PTPRQ: variants seen among roughly 807,000 people sequenced by gnomAD.
The protein encoded by PTPRQ is protein tyrosine phosphatase receptor type Q.
A neutral mutation model predicts 246.0 loss-of-function variants in PTPRQ; 199 were observed. The ratio of observed to expected loss-of-function variants is 0.81; its 90% CI spans 0.72 to 0.91. The LOEUF is 0.91. PTPRQ is among the 40% of genes least tolerant of loss of function. The probability of loss-of-function intolerance (pLI) is 0.00; values close to 1 mark genes in which losing one functional copy is unlikely to be tolerated. For synonymous variants in PTPRQ, 869 were observed against 853.2 expected, an observed-to-expected ratio of 1.02 and a Z score of -0.32; for missense variants, 2,624 against 2,528.4, an observed-to-expected ratio of 1.04 and a Z score of -0.81.
At chr12:80,554,096 G>A (rs1169527467) in intron 25 of PTPRQ, among the ~76,000 whole-genome samples, 2 of 151,936 alleles carry the variant, frequency 1.3e-5, no homozygotes, top group African/African-American at 2.4e-5. Flanking sequence ...TAGGAAAAGC[G>A]GGGATGGTTA....
chr12:80,634,632 AC>A (rs1899570407), intron 34 of PTPRQ: 1 of 240,876 alleles, frequency 4.2e-6, no homozygotes, highest in Non-Finnish European at 8.0e-6. Flanking sequence ...GAGAAGAGAA[AC>A]AAGATCACAA....
intron 35 of PTPRQ, among the ~76,000 whole-genome samples, chr12:80,645,013 T>G (rs1900018561): frequency 1.3e-5 from 2 of 152,088 alleles, no homozygotes; most frequent in African/African-American, 4.8e-5. Flanking sequence ...AAGTACAGAC[T>G]AGAAAATTAC....
At chr12:80,582,588 G>A (rs1162831381) in intron 25 of PTPRQ, among the ~76,000 whole-genome samples, 2 of 152,158 alleles carry the variant, frequency 1.3e-5, no homozygotes, top group African/African-American at 2.4e-5. Context: ...TCTGGAACCA[G>A]GAGGCTGGTT....
chr12:80,478,624 G>T (rs937542455), intron 8 of PTPRQ, among the ~76,000 whole-genome samples: 107 of 152,190 alleles, frequency 7.0e-4, no homozygotes, highest in African/African-American at 2.0e-3. Context: ...GTTGAAAACT[G>T]TGAAAAAAAT....
chr12:80,622,815 G>T (rs1899045742), intron 33 of PTPRQ, among the ~76,000 whole-genome samples: 1 of 151,844 alleles, frequency 6.6e-6, no homozygotes. Context: ...TCATCCTTGA[G>T]GGGTTGTTGA....
intron 3 of PTPRQ, among the ~76,000 whole-genome samples, chr12:80,448,123 C>T (rs1892609810): frequency 6.6e-6 from 1 of 151,862 alleles, no homozygotes; most frequent in African/African-American, 2.4e-5. Context: ...AAAATGTATT[C>T]CTAGATATTT....
intron 26 of PTPRQ, among the ~76,000 whole-genome samples, chr12:80,592,315 G>C (rs185316274): frequency 1.0e-3 from 153 of 152,248 alleles, no homozygotes; most frequent in African/African-American, 3.1e-3. Flanking sequence ...TCGTCTTTTA[G>C]TTTCAAGAAT....
intron 16 of PTPRQ, among the ~76,000 whole-genome samples, chr12:80,507,137 G>A (rs966715247): frequency 6.6e-6 from 1 of 151,792 alleles, no homozygotes; most frequent in African/African-American, 2.4e-5. Context: ...TGCATAATTG[G>A]ACAAGATGCT....
intron 39 of PTPRQ, among the ~76,000 whole-genome samples, chr12:80,658,618 G>C (rs1461884876): frequency 6.6e-6 from 1 of 152,026 alleles, no homozygotes; most frequent in Non-Finnish European, 1.5e-5. Flanking sequence ...ATTCCTGTCA[G>C]CCTCTTTTGG....
chr12:80,444,694 C>A, intron 1 of PTPRQ, 47 bp from the exon 2 acceptor site: 1 of 1,403,648 alleles, frequency 7.1e-7, no homozygotes, highest in Non-Finnish European at 9.8e-7. Flanking sequence ...AGCTTGCTTG[C>A]TTTCCAGAAA....
intron 26 of PTPRQ, among the ~76,000 whole-genome samples, chr12:80,594,062 G>GTTTT (rs1217592316): frequency 9.2e-5 from 14 of 152,170 alleles, no homozygotes; most frequent in Middle Eastern, 3.4e-3. Context: ...CATCAAAGAA[G>GTTTT]TTTCTAAGGA....
intron 25 of PTPRQ, among the ~76,000 whole-genome samples, chr12:80,554,085 G>T (rs560000940): frequency 2.0e-5 from 3 of 151,652 alleles, no homozygotes; most frequent in African/African-American, 4.8e-5. Flanking sequence ...GGCAGGGGGG[G>T]TAGGAAAAGC....
intron 9 of PTPRQ, among the ~76,000 whole-genome samples, chr12:80,492,021 C>T (rs984937709): frequency 1.3e-5 from 2 of 151,682 alleles, no homozygotes; most frequent in Admixed American, 1.3e-4. Context: ...TGAAGCAGAA[C>T]TTGAAAAAAA....
Position 80,495,113 on chromosome 12 carries a change from T to A in PTPRQ, c.1702+19T>A. The A allele has an allele frequency of 3.2e-6, 5 of 1,550,300 alleles. No homozygotes were observed. Among genetic ancestry groups the A allele is most frequent in the Non-Finnish European group, 4.4e-6 (5 of 1,146,094 alleles). ...CAGCAAGGTAAGGATGTATTTCCTTTGAAACAATTAACTGCAAATATTGCT... is the reference window on the plus strand; with the variant it reads ...CAGCAAGGTAAGGATGTATTTCCTTAGAAACAATTAACTGCAAATATTGCT... On this transcript the variant is annotated intron_variant, in intron 11 of 44. Transcript: ENST00000644991.
chr12:80,589,418 CTGAG>C (rs2121022473), intron 26 of PTPRQ, among the ~76,000 whole-genome samples: 1 of 152,236 alleles, frequency 6.6e-6, no homozygotes, highest in South Asian at 2.1e-4. Context: ...CCTATCTTGA[CTGAG>C]ACTCTTTAAA....
intron 26 of PTPRQ, among the ~76,000 whole-genome samples, chr12:80,592,894 C>G (rs1290590288): frequency 2.0e-5 from 3 of 151,950 alleles, no homozygotes; most frequent in Non-Finnish European, 4.4e-5. Flanking sequence ...ACCTGTAATC[C>G]CAACTCCTTG....
intron 25 of PTPRQ, among the ~76,000 whole-genome samples, chr12:80,578,784 G>A (rs1398837755): frequency 6.6e-6 from 1 of 152,014 alleles, no homozygotes. Context: ...CTCTTTATGG[G>A]TTTTTTCAGA....
intron 10 of PTPRQ, among the ~76,000 whole-genome samples, chr12:80,493,916 G>GTA (rs755155548): frequency 1.1e-4 from 17 of 152,000 alleles, no homozygotes; most frequent in Admixed American, 1.3e-4. Flanking sequence ...TGTCATTAGT[G>GTA]TATACACTTG....
intron 17 of PTPRQ, among the ~76,000 whole-genome samples, chr12:80,533,063 A>G (rs1411090344): frequency 6.6e-6 from 1 of 152,206 alleles, no homozygotes; most frequent in Non-Finnish European, 1.5e-5. Flanking sequence ...TAAAGTAGAA[A>G]AATATGAGAT....
Sources: gnomAD v4.1 joint callset for allele counts (sites outside exome capture counted in the v4.1 genomes callset) on GRCh38, gnomAD v4.1.1 for gene constraint, MANE v1.5 for transcripts, NCBI Gene and HGNC (gene_info 2026-07-23, HGNC 2026-07-21) for gene names.